The following C2CD3 variants were observed in gnomAD, a reference collection of about 807,000 sequenced individuals.
The protein encoded by C2CD3 is C2 domain-containing protein 3.
Under a neutral mutation model 234.0 loss-of-function variants are expected in C2CD3, and 148 were observed. The observed-to-expected ratio is 0.63, with a 90% CI of 0.55 to 0.72. C2CD3 has a LOEUF of 0.72. Among genes scored for constraint, C2CD3 ranks in the 30% least tolerant of loss-of-function variants. C2CD3 has a pLI of 0.00. For synonymous variants in C2CD3, 1,000 were observed against 1,035.4 expected (o/e 0.97, Z 0.66); for missense variants, 2,577 against 2,811.5 (o/e 0.92, Z 1.89).
intron 3 of C2CD3, among the ~76,000 whole-genome samples, chr11:74,146,851 G>T (rs936696753): frequency 6.6e-6 from 1 of 151,800 alleles, no homozygotes; most frequent in African/African-American, 2.4e-5. Context: ...TCAGGAGCTC[G>T]AGACCAGCCT....
intron 2 of C2CD3, among the ~76,000 whole-genome samples, chr11:74,162,923 G>C (rs1856567959): frequency 6.6e-6 from 1 of 152,020 alleles, no homozygotes; most frequent in African/African-American, 2.4e-5. Context: ...GGTTATATCT[G>C]GACCACTGAG....
At chr11:74,061,693 T>C (rs905554135) in intron 24 of C2CD3, among the ~76,000 whole-genome samples, 4 of 152,190 alleles carry the variant, frequency 2.6e-5, no homozygotes, top group African/African-American at 7.2e-5. Flanking sequence ...AGGCCATCAA[T>C]GCTAGGAAGA....
intron 11 of C2CD3, among the ~76,000 whole-genome samples, chr11:74,110,147 T>TTCCAGCCTAGGC (rs1555044863): frequency 1.3e-5 from 2 of 151,884 alleles, no homozygotes; most frequent in African/African-American, 2.4e-5. Flanking sequence ...AATCAAAGGA[T>TTCCAGCCTAGGC]ATAAGTTTAA....
intron 3 of C2CD3, among the ~76,000 whole-genome samples, chr11:74,153,355 G>A (rs1855802313): frequency 6.6e-6 from 1 of 152,120 alleles, no homozygotes; most frequent in Non-Finnish European, 1.5e-5. Flanking sequence ...AGTGTGATAA[G>A]GCAAGAAAAT....
At chr11:74,123,473 C>T (rs1345519440) in intron 7 of C2CD3, among the ~76,000 whole-genome samples, 1 of 151,946 alleles carries the variant, frequency 6.6e-6, no homozygotes. Flanking sequence ...TATTTATAGT[C>T]TGATAGGGAG....
intron 15 of C2CD3, among the ~76,000 whole-genome samples, chr11:74,099,477 GC>G (rs1306748202): frequency 1.3e-5 from 2 of 152,172 alleles, no homozygotes; most frequent in African/African-American, 2.4e-5. Context: ...ATGAGCTAAT[GC>G]CCACAAAGGT....
At chr11:74,079,902 CAGAT>C (rs1260968232) in intron 22 of C2CD3, among the ~76,000 whole-genome samples, 1 of 152,040 alleles carries the variant, frequency 6.6e-6, no homozygotes, top group Non-Finnish European at 1.5e-5. Context: ...TCAGGGCTCA[CAGAT>C]AGTAAACATT....
At chr11:74,137,332 C>A (rs1957896622) in intron 5 of C2CD3, among the ~76,000 whole-genome samples, 1 of 151,826 alleles carries the variant, frequency 6.6e-6, no homozygotes, top group Non-Finnish European at 1.5e-5. Flanking sequence ...ACTACTGTAG[C>A]CCTGATACCT....
chr11:74,054,607 C>G lies in C2CD3; in HGVS notation c.5155G>C (p.Asp1719His). ...GATATTCTTTTAACAGAGTTCATAC[C>G]TCCTTTATGCCAAACTTTGAAGACC... ...TLVFKVWHKG[D>H]EERVIGFASV... The change falls in exon 26 of 33, where the codon GAT (aspartate) becomes CAT (histidine). Residue 1719 changes from aspartate (D) to histidine (H), a missense_variant and splice_region_variant. Coordinates refer to ENST00000334126, the MANE Select transcript of C2CD3 (RefSeq NM_001286577.2). 6.3e-7 allele frequency: 1 copy of G among 1,596,740 alleles called. No individual in the cohort carries two copies. The highest frequency in any genetic ancestry group is 1.1e-5 in the South Asian group (1 of 90,034).
At chr11:74,043,435 C>T (rs904968316) in intron 28 of C2CD3, among the ~76,000 whole-genome samples, 1 of 152,182 alleles carries the variant, frequency 6.6e-6, no homozygotes, top group East Asian at 1.9e-4. Context: ...AGGAATAATG[C>T]TACAAACATA....
At position 74,033,578 on chromosome 11, in the gene C2CD3, T is replaced by C. The variant is rs1952604411; in HGVS notation, c.6582A>G (p.Ser2194=). The C allele has an allele frequency of 1.1e-5, 17 of 1,536,064 alleles. No homozygotes were observed. Among genetic ancestry groups the C allele is most frequent in the Non-Finnish European group, 1.5e-5 (17 of 1,146,918 alleles). The change falls in exon 31 of 33, where the codon TCA becomes TCG. Residue 2194 remains serine, a synonymous_variant. Coordinates refer to ENST00000334126, the MANE Select transcript of C2CD3 (RefSeq NM_001286577.2). ...QQSSTFVGWS[S]PQTDQNKEPK... ...GCTCCTTGTTCTGATCTGTCTGTGGTGAGCTCCATCCAACAAACGTGCTGC... is the reference window on the plus strand; with the variant it reads ...GCTCCTTGTTCTGATCTGTCTGTGGCGAGCTCCATCCAACAAACGTGCTGC...
chr11:74,019,629 G>A (rs911793187), intron 32 of C2CD3, among the ~76,000 whole-genome samples: 15 of 152,056 alleles, frequency 9.9e-5, no homozygotes, highest in Admixed American at 3.9e-4. Context: ...TTCTCTACCA[G>A]GACTATTTAT....
chr11:74,169,711 C>A (rs1165134238), intron 1 of C2CD3, among the ~76,000 whole-genome samples: 2 of 152,124 alleles, frequency 1.3e-5, no homozygotes, highest in Non-Finnish European at 2.9e-5. Context: ...TTTGACTTTC[C>A]GATTATCAAC....
At chr11:74,033,307 A>G in intron 31 of C2CD3, 44 bp downstream of exon 31, 2 of 1,492,216 alleles carry the variant, frequency 1.3e-6, no homozygotes, top group African/African-American at 1.4e-5. Context: ...AGGCTAGTCT[A>G]AGTACCTGCA....
intron 3 of C2CD3, among the ~76,000 whole-genome samples, chr11:74,141,387 C>T (rs985149254): frequency 4.6e-5 from 7 of 152,200 alleles, no homozygotes; most frequent in African/African-American, 1.7e-4. Context: ...ATCCTGGTTG[C>T]TCAAACATAA....
chr11:74,132,516 A>G (rs758989007), intron 7 of C2CD3, among the ~76,000 whole-genome samples: 6 of 152,138 alleles, frequency 3.9e-5, no homozygotes, highest in Non-Finnish European at 7.4e-5. Context: ...TTAAGGCCAC[A>G]AAGCTAATTA....
chr11:74,135,724 G>GTAA (rs1162358497), intron 5 of C2CD3, among the ~76,000 whole-genome samples: 2 of 152,066 alleles, frequency 1.3e-5, no homozygotes, highest in African/African-American at 4.8e-5. Context: ...AAATCATTAG[G>GTAA]TTTATGTATT....
At chr11:74,037,907 C>T (rs1287897959) in intron 29 of C2CD3, among the ~76,000 whole-genome samples, 4 of 152,150 alleles carry the variant, frequency 2.6e-5, no homozygotes, top group Admixed American at 6.5e-5. Flanking sequence ...CTTTCTCCCC[C>T]TTTTGTCTGT....
chr11:74,074,428 G>A lies in C2CD3; in HGVS notation c.4776C>T (p.Val1592=). 1 of 1,614,212 alleles carries A rather than the reference G, an allele frequency of 6.2e-7. No homozygotes were observed. Among genetic ancestry groups the A allele is most frequent in the Admixed American group, 1.7e-5 (1 of 60,032 alleles). Residue 1592 remains valine (V), a synonymous_variant, in exon 24 of 33, where the codon GTC becomes GTT. Transcript: ENST00000334126. ...AGATGACTTCTGGTGGAGAGAGCTG[G>A]ACCTCATCATTCCTTCTGGGGAGCT... The part of the protein sequence containing the change: ...SEQLPRRNDE[V]QLSPPEVISC...
Sources: allele counts gnomAD v4.1 joint callset (sites outside exome capture counted in the v4.1 genomes callset), GRCh38; gene constraint gnomAD v4.1.1; transcripts MANE v1.5; gene names NCBI Gene and HGNC (gene_info 2026-07-23, HGNC 2026-07-21).